The following URGCP variants were observed in gnomAD, a reference collection of about 807,000 sequenced individuals.
URGCP encodes the protein up-regulator of cell proliferation.
A neutral mutation model predicts 24.6 loss-of-function variants in URGCP; 13 were observed. That is an observed-to-expected ratio of 0.53 (90% CI 0.34 to 0.84). The LOEUF is 0.84. Among genes scored for constraint, URGCP ranks in the 40% least tolerant of loss-of-function variants. The pLI, the probability that URGCP is intolerant of heterozygous loss-of-function variation, is 0.01. For synonymous variants in URGCP, 444 were observed against 487.2 expected (o/e 0.91, Z 1.17); for missense variants, 899 against 1,194.3 (o/e 0.75, Z 3.64).
chr7:43,906,713 G>C, upstream of URGCP: 2 of 684,416 alleles, frequency 2.9e-6, no homozygotes, highest in Non-Finnish European at 3.6e-6. Flanking sequence ...GTGAGGTGGG[G>C]TAAGGTGGGC....
At chr7:43,905,278 C>CT (rs1279981646) in intron 1 of URGCP, among the ~76,000 whole-genome samples, 2 of 151,192 alleles carry the variant, frequency 1.3e-5, no homozygotes, top group East Asian at 3.9e-4. Context: ...GAGGCTCTGC[C>CT]CACCCTTTCC....
intron 1 of URGCP, among the ~76,000 whole-genome samples, chr7:43,902,323 TTCAA>T (rs1328721392): frequency 6.7e-6 from 1 of 148,838 alleles, no homozygotes; most frequent in Non-Finnish European, 1.5e-5. Context: ...ATTCCTGGGT[TTCAA>T]TCACTCAGTC....
intron 1 of URGCP, among the ~76,000 whole-genome samples, chr7:43,925,663 C>A (rs541317911): frequency 4.6e-5 from 7 of 152,128 alleles, no homozygotes; most frequent in African/African-American, 1.7e-4. Flanking sequence ...CTACGCCCAG[C>A]TAATTTCTGT....
intron 1 of URGCP, among the ~76,000 whole-genome samples, chr7:43,920,299 C>T (rs1308635703): frequency 6.6e-6 from 1 of 152,332 alleles, no homozygotes; most frequent in East Asian, 1.9e-4. Context: ...CAGTGACACA[C>T]TGGCAATCCC....
At chr7:43,915,821 C>T (rs927145813) in intron 1 of URGCP, among the ~76,000 whole-genome samples, 2 of 152,194 alleles carry the variant, frequency 1.3e-5, no homozygotes, top group African/African-American at 4.8e-5. Flanking sequence ...CTAGCCTGGC[C>T]AACATGGTGA....
chr7:43,923,844 T>C (rs751934274), intron 1 of URGCP, among the ~76,000 whole-genome samples: 4 of 152,118 alleles, frequency 2.6e-5, no homozygotes, highest in African/African-American at 4.8e-5. Context: ...TGTAGTCAAA[T>C]TTATCCATTT....
In URGCP at chr7:43,877,563, C is replaced by G; in HGVS notation, c.1900G>C (p.Gly634Arg). ...YEAESCLVEA[G>R]RLPAGQRRFA... is the part of the protein sequence containing the mutation. ...CGCCTCTGGCCTGCCGGCAGCCTCC[C>G]TGCCTCCACAAGACAGCTCTCAGCC... Residue 634 changes from glycine to arginine, a missense_variant, in exon 6 of 6, where the codon GGG becomes CGG. By Grantham distance (125) the Gly-to-Arg change is moderately radical (BLOSUM62 -2). Transcript: ENST00000453200. 1 of 1,614,074 alleles carries G rather than the reference C, an allele frequency of 6.2e-7. No homozygotes were observed. Among genetic ancestry groups the G allele is most frequent in the Non-Finnish European group, 8.5e-7 (1 of 1,180,052 alleles).
rs1165896943 is a variant in URGCP at position 43,876,517 on chromosome 7, G to GA, written c.*149dup. ...CACTTCCTCTTTTAACACTGTTGAG[G>GA]AGACTCCAAACCCTGTCTTTTCCTC... On this transcript the variant is annotated 3_prime_UTR_variant, in exon 6 of 6. Transcript: ENST00000453200. The GA allele has an allele frequency of 1.3e-6, 1 of 763,428 alleles. No homozygotes were observed. Among genetic ancestry groups the GA allele is most frequent in the African/African-American group, 2.7e-5 (1 of 37,000 alleles). The allele number at this position is 763,428 out of a possible 1,614,324, so 47.3% of individuals were successfully genotyped here.
chr7:43,880,944 TCA>T (rs1205401128), intron 5 of URGCP, among the ~76,000 whole-genome samples: 1 of 152,210 alleles, frequency 6.6e-6, no homozygotes, highest in Admixed American at 6.5e-5. Context: ...CCAGCAGGAC[TCA>T]CAGTGCTGGA....
At chr7:43,883,158 T>G (rs1380708880) in intron 3 of URGCP, among the ~76,000 whole-genome samples, 63 of 151,756 alleles carry the variant, frequency 4.2e-4, no homozygotes, top group Non-Finnish European at 1.5e-5. Flanking sequence ...TATTTATGTA[T>G]GAACAAAGAC....
intron 1 of URGCP, among the ~76,000 whole-genome samples, chr7:43,890,742 C>G (rs2095869445): frequency 6.6e-6 from 1 of 152,162 alleles, no homozygotes; most frequent in South Asian, 2.1e-4. Flanking sequence ...GTGTCCACAG[C>G]TCCTTCTCAC....
chr7:43,918,766 A>C lies in URGCP; in HGVS notation c.-116+7366T>G, dbSNP rs1355904385. ...CAGATTGGGTTCGAGTTCTGGAAAC[A>C]GCTGTGCACTGAGCATGGTATCAGC... On this transcript the variant is annotated intron_variant, in intron 1 of 5. Coordinates refer to the URGCP transcript ENST00000426198. 3.5e-6 allele frequency: 3 copies of C among 863,828 alleles called. No homozygotes were observed. The African/African-American group carries it at 4.9e-5, about 14-fold the overall frequency. The allele number at this position is 863,828 out of a possible 1,614,324, so 53.5% of individuals were successfully genotyped here.
chr7:43,914,807 T>C (rs1331018020), intron 1 of URGCP, among the ~76,000 whole-genome samples: 1 of 152,230 alleles, frequency 6.6e-6, no homozygotes, highest in East Asian at 1.9e-4. Context: ...TCGGTTTCTT[T>C]GTAGGTTTTC....
chr7:43,895,410 T>G (rs2095876839), intron 1 of URGCP, among the ~76,000 whole-genome samples: 1 of 152,248 alleles, frequency 6.6e-6, no homozygotes, highest in Non-Finnish European at 1.5e-5. Flanking sequence ...GCTCAGTGGC[T>G]CACACCTATA....
chr7:43,881,964 G>T lies in URGCP; in HGVS notation c.113-7C>A. On this transcript the variant is annotated splice_polypyrimidine_tract_variant and splice_region_variant and intron_variant, in intron 3 of 5. Coordinates refer to ENST00000453200, the MANE Select transcript of URGCP (RefSeq NM_001077663.3). ...ATTTCTCTCCATTCCAAATCTAGAA[G>T]AAAAAAGAAACCAAATACATTTAGT... 6.2e-7 allele frequency: 1 copy of T among 1,613,374 alleles called. No homozygotes were observed. Among genetic ancestry groups the T allele is most frequent in the South Asian group, 1.1e-5 (1 of 90,978 alleles).
rs1190073646 is a variant in URGCP at position 43,878,324 on chromosome 7, G to C, written c.1139C>G (p.Thr380Ser). 1.2e-6 allele frequency: 2 copies of C among 1,614,206 alleles called. No homozygotes were observed. Among genetic ancestry groups the C allele is most frequent in the Admixed American group, 3.3e-5 (2 of 60,026 alleles). Residue 380 changes from threonine (T) to serine (S), a missense_variant, in exon 6 of 6, where the codon ACC (threonine) becomes AGC (serine). Thr to Ser is a moderately conservative substitution (Grantham distance 58). Coordinates refer to ENST00000453200, the MANE Select transcript of URGCP (RefSeq NM_001077663.3). This position sits in a 1 kb window ranked among gnomAD's most constrained non-coding sequence, Gnocchi z 5.6. Reference sequence around the variant, plus strand: ...ACTCAGGATGAAGTAGTATTTTGTGGTTGACTCCTTCATGGAGTACAGCAA... The same window carrying C: ...ACTCAGGATGAAGTAGTATTTTGTGCTTGACTCCTTCATGGAGTACAGCAA... ...YKLLYSMKES[T>S]TKYYFILSPY...
chr7:43,906,638 C>T, upstream of URGCP: 17 of 1,148,370 alleles, frequency 1.5e-5, no homozygotes, highest in Non-Finnish European at 1.8e-5. Flanking sequence ...GGCTCGGCGC[C>T]GGGGAGGGGC....
upstream of URGCP, among the ~76,000 whole-genome samples, chr7:43,908,470 A>G (rs1336634708): frequency 6.6e-6 from 1 of 152,210 alleles, no homozygotes; most frequent in Non-Finnish European, 1.5e-5. Flanking sequence ...GCACTTTAAC[A>G]AGCTGAACTG....
chr7:43,901,715 G>T (rs1483729065), intron 1 of URGCP, among the ~76,000 whole-genome samples: 1 of 152,126 alleles, frequency 6.6e-6, no homozygotes. Flanking sequence ...CAGTGTAGAG[G>T]GCCTGTGAGC....
Sources: allele counts gnomAD v4.1 joint callset (sites outside exome capture counted in the v4.1 genomes callset), GRCh38; gene constraint gnomAD v4.1.1; non-coding constraint Gnocchi (gnomAD v3.1); transcripts MANE v1.5; gene names NCBI Gene and HGNC (gene_info 2026-07-23, HGNC 2026-07-21).